Variants in ASCC2 observed in about 807,000 individuals in gnomAD.
The protein encoded by ASCC2 is activating signal cointegrator 1 complex subunit 2.
In ASCC2, 42 loss-of-function variants were observed where a neutral mutation model predicts 93.5. The observed-to-expected ratio is 0.45, with a 90% CI of 0.35 to 0.58. The LOEUF (loss-of-function observed/expected upper bound fraction) is 0.58. ASCC2 is among the 20% of genes least tolerant of loss of function. The probability of loss-of-function intolerance (pLI) is 0.00; values close to 1 mark genes in which losing one functional copy is unlikely to be tolerated. For missense variants in ASCC2, 859 were observed against 977.6 expected (o/e 0.88, Z 1.62); for synonymous variants, 364 against 384.2 (o/e 0.95, Z 0.62).
rs776423025 is a variant in ASCC2, at chr22:29,806,737, C to T, written c.1016+60G>A. The stretch of plus-strand genomic sequence containing the variant: ...GGAAGCCAAGATGAAATAATGGAAA[C>T]GCTCCTGAAGGGCTTGGGGAGGAGA... On this transcript the variant is annotated intron_variant, in intron 10 of 19. Coordinates refer to ENST00000307790, the MANE Select transcript of ASCC2 (RefSeq NM_032204.5). The T allele has an allele frequency of 8.0e-5, 120 of 1,506,328 alleles. No homozygotes were observed. The Middle Eastern group carries it at 8.6e-4, about 11-fold the overall frequency. The allele number at this position is 1,506,328 out of a possible 1,614,324, so 93.3% of individuals were successfully genotyped here. A position where few individuals can be genotyped will look rare whatever the true frequency, so the allele number is the denominator to read the frequency against.
In ASCC2 at chr22:29,806,855, T is replaced by C. The variant is rs1372618603; in HGVS notation, c.958A>G (p.Met320Val). ...QRLSHSRKKL[M>V]EIFHIILNQI... ...TTCAGGATGATGTGGAAAATCTCCA[T>C]TAGCTTCTTCCTGGAATGGGAGAGC... The change falls in exon 10 of 20, where the codon ATG becomes GTG. Residue 320 changes from methionine to valine, a missense_variant. Met to Val is a conservative substitution (Grantham distance 21). Coordinates refer to ENST00000307790, the MANE Select transcript of ASCC2 (RefSeq NM_032204.5). 6.2e-7 allele frequency: 1 copy of C among 1,614,058 alleles called. No individual in the cohort carries two copies. Among genetic ancestry groups the C allele is most frequent in the Non-Finnish European group, 8.5e-7 (1 of 1,179,966 alleles).
intron 6 of ASCC2, among the ~76,000 whole-genome samples, 159 bp from the exon 7 acceptor site, chr22:29,814,926 G>A (rs955377764): frequency 1.3e-5 from 2 of 152,228 alleles, no homozygotes; most frequent in African/African-American, 4.8e-5. Flanking sequence ...TTCTCCAAGA[G>A]TGAGGTCAGA....
chr22:29,801,197 A>G, intron 14 of ASCC2, 87 bp from the exon 15 acceptor site: 1 of 1,460,336 alleles, frequency 6.8e-7, no homozygotes, highest in Non-Finnish European at 9.2e-7. Context: ...TATTAAATCC[A>G]TCGGATTTTT....
intron 10 of ASCC2, 67 bp from the exon 11 acceptor site, chr22:29,806,620 C>T: frequency 6.6e-7 from 1 of 1,517,152 alleles, no homozygotes; most frequent in Non-Finnish European, 9.1e-7. Flanking sequence ...CTTTACACAC[C>T]CGCTGCCCCT....
chr22:29,796,911 G>A (rs189182347), intron 15 of ASCC2, among the ~76,000 whole-genome samples: 1 of 152,152 alleles, frequency 6.6e-6, no homozygotes, highest in Admixed American at 6.5e-5. Flanking sequence ...CTGTGCAGTG[G>A]GGCAGTTCTT....
intron 1 of ASCC2, among the ~76,000 whole-genome samples, chr22:29,837,428 G>A (rs1041950440): frequency 7.3e-6 from 1 of 136,362 alleles, no homozygotes; most frequent in African/African-American, 2.5e-5. Flanking sequence ...GCAAGACCCC[G>A]TCTTGGGGGG....
At chr22:29,804,946 A>G (rs2059510158) in intron 12 of ASCC2, 116 bp from the exon 13 acceptor site, 1 of 1,200,038 alleles carries the variant, frequency 8.3e-7, no homozygotes, top group Non-Finnish European at 1.2e-6. Flanking sequence ...TCTGGGCTAT[A>G]TCTAAGTGGT....
rs760734776 is a variant in ASCC2 at position 29,792,455 on chromosome 22, T to A, written c.2000A>T (p.Asp667Val). The change falls in exon 18 of 20, where the codon GAT becomes GTT. Residue 667 changes from aspartate (D) to valine (V), a missense_variant. Asp to Val is a radical substitution (Grantham distance 152). Transcript: ENST00000307790. ...TACCTTGGGAGCCTCCTCGTCAGCA[T>A]CGTCTTCCTCATCGTCGTCATCCTC... ...QEEDDDDEED[D>V]ADEEAPKPDH... The A allele has an allele frequency of 3.7e-6, 6 of 1,613,900 alleles. No homozygotes were observed. The South Asian group carries it at 6.6e-5, about 18-fold the overall frequency.
At chr22:29,827,047 G>A (rs1031499271) in intron 2 of ASCC2, among the ~76,000 whole-genome samples, 19 of 134,966 alleles carry the variant, frequency 1.4e-4, no homozygotes, top group African/African-American at 5.2e-4. Flanking sequence ...GCAGTGAACC[G>A]AGATCACGCC....
intron 2 of ASCC2, among the ~76,000 whole-genome samples, chr22:29,831,710 C>G (rs1160007007): frequency 2.0e-5 from 3 of 152,192 alleles, no homozygotes; most frequent in Non-Finnish European, 4.4e-5. Flanking sequence ...TGGCTTTAAT[C>G]TCTCTCTGCA....
At chr22:29,822,003 C>T (rs5763521) in intron 5 of ASCC2, 164,944 of 383,920 alleles carry the variant, frequency 0.43, 31,997 homozygotes, top group African/African-American at 0.64. Flanking sequence ...TGTCTTTTTT[C>T]TTTTTTTTTG....
At chr22:29,813,345 T>C in intron 8 of ASCC2, 85 bp downstream of exon 8, 1 of 1,017,682 alleles carries the variant, frequency 9.8e-7, no homozygotes, top group East Asian at 2.4e-5. Context: ...AAGCACCCAG[T>C]AAATATTTGT....
intron 4 of ASCC2, among the ~76,000 whole-genome samples, chr22:29,824,008 T>G (rs1163093302): frequency 6.6e-6 from 1 of 151,810 alleles, no homozygotes; most frequent in Non-Finnish European, 1.5e-5. Context: ...CAGGGCAAAA[T>G]AGCAAGATGC....
chr22:29,800,243 C>T (rs910075009), intron 15 of ASCC2, among the ~76,000 whole-genome samples: 7 of 152,204 alleles, frequency 4.6e-5, no homozygotes, highest in African/African-American at 7.2e-5. Context: ...CTTTAGCTCT[C>T]GGTCCCATGT....
intron 15 of ASCC2, among the ~76,000 whole-genome samples, chr22:29,794,885 C>G (rs2058229707): frequency 6.6e-6 from 1 of 152,024 alleles, no homozygotes; most frequent in African/African-American, 2.4e-5. Context: ...ACAATGCAGA[C>G]AGAAGGCTAG....
At chr22:29,796,643 G>T (rs1345575820) in intron 15 of ASCC2, among the ~76,000 whole-genome samples, 3 of 152,156 alleles carry the variant, frequency 2.0e-5, no homozygotes, top group Admixed American at 2.0e-4. Flanking sequence ...CAGGGAAGGG[G>T]CCTGTGACTG....
intron 6 of ASCC2, among the ~76,000 whole-genome samples, chr22:29,814,988 C>T (rs908782591): frequency 2.0e-5 from 3 of 152,090 alleles, no homozygotes; most frequent in Admixed American, 1.3e-4. Flanking sequence ...TAAAGGAGGG[C>T]GAAGAGGATT....
rs759784246 is a variant in ASCC2 at position 29,793,586 on chromosome 22, C to T, written c.1779G>A (p.Val593=). ...GGCCTTGGTGGCCTACCTCCTCCAC[C>T]ACCACGCTGTACTGCTCGTAGCGCT... ...QRQRYEQYSV[V]VEEVPLQPGE... Residue 593 remains valine, a synonymous_variant, in exon 16 of 20, where the codon GTG becomes GTA. Transcript: ENST00000307790. 1 of 1,612,514 alleles carries T rather than the reference C, an allele frequency of 6.2e-7. No homozygotes were observed. The highest frequency in any genetic ancestry group is 8.5e-7 in the Non-Finnish European group (1 of 1,179,560).
intron 2 of ASCC2, chr22:29,826,074 T>C (rs1055625156): frequency 8.1e-6 from 2 of 248,090 alleles, no homozygotes; most frequent in African/African-American, 4.5e-5. Context: ...TCATTTTCCT[T>C]TTTTAGTAAA....
Sources: allele counts gnomAD v4.1 joint callset (sites outside exome capture counted in the v4.1 genomes callset), GRCh38; gene constraint gnomAD v4.1.1; transcripts MANE v1.5; gene names NCBI Gene and HGNC (gene_info 2026-07-23, HGNC 2026-07-21).